The following CDC42BPA variants were observed in gnomAD, a reference collection of about 807,000 sequenced individuals.
The protein encoded by CDC42BPA is CDC42 binding protein kinase alpha, also known as serine/threonine-protein kinase MRCK alpha.
A neutral mutation model predicts 223.5 loss-of-function variants in CDC42BPA; 80 were observed. The ratio of observed to expected loss-of-function variants is 0.36; its 90% CI spans 0.30 to 0.43. The LOEUF is 0.43. Ranked by LOEUF, CDC42BPA falls within the 20% of genes least tolerant of loss-of-function variation. The pLI is 1.00. For synonymous variants in CDC42BPA, 694 were observed against 718.6 expected, an observed-to-expected ratio of 0.97 and a Z score of 0.55; for missense variants, 1,743 against 2,099.9, an observed-to-expected ratio of 0.83 and a Z score of 3.32.
chr1:227,297,967 T>TATATATACACACACACACAC (rs369403944), intron 1 of CDC42BPA, among the ~76,000 whole-genome samples: 1 of 132,082 alleles, frequency 7.6e-6, no homozygotes, highest in African/African-American at 2.9e-5. Context: ...TATATACATA[T>TATATATACACACACACACAC]ACACACACAC....
At chr1:227,130,607 C>G (rs12118896) in intron 10 of CDC42BPA, among the ~76,000 whole-genome samples, 1 of 148,086 alleles carries the variant, frequency 6.8e-6, no homozygotes, top group Non-Finnish European at 1.5e-5. Flanking sequence ...GTAATCCCAG[C>G]GCTTTGGGAG....
intron 1 of CDC42BPA, among the ~76,000 whole-genome samples, chr1:227,302,010 T>A (rs1382597900): frequency 1.3e-5 from 2 of 152,294 alleles, no homozygotes; most frequent in Admixed American, 1.3e-4. Context: ...AAGATGTTCA[T>A]CCATATCAGA....
intron 11 of CDC42BPA, among the ~76,000 whole-genome samples, chr1:227,121,925 C>G (rs1402117393): frequency 6.6e-6 from 1 of 151,720 alleles, no homozygotes; most frequent in African/African-American, 2.4e-5. Context: ...CTCAGCCTCC[C>G]GAGCAGCTGG....
At chr1:227,016,225 C>T (rs1558288494) in intron 33 of CDC42BPA, 28 bp from the exon 34 acceptor site, 16 of 1,176,902 alleles carry the variant, frequency 1.4e-5, no homozygotes, top group Non-Finnish European at 2.0e-5. Context: ...TGTTTAGATA[C>T]TTTTTCCACA....
chr1:227,107,452 ACT>A (rs1382516730), intron 14 of CDC42BPA, among the ~76,000 whole-genome samples: 2 of 151,234 alleles, frequency 1.3e-5, no homozygotes, highest in Non-Finnish European at 3.0e-5. Flanking sequence ...ACAGGGTCTC[ACT>A]CTGTCACCCA....
At chr1:227,001,958 A>AAACAAAAC (rs1317589801) in intron 35 of CDC42BPA, among the ~76,000 whole-genome samples, 3 of 152,150 alleles carry the variant, frequency 2.0e-5, no homozygotes, top group African/African-American at 7.2e-5. Flanking sequence ...CCAAAACAAA[A>AAACAAAAC]AACAAAACAA....
chr1:227,136,072 A>T (rs946219864), intron 10 of CDC42BPA, among the ~76,000 whole-genome samples: 1 of 109,452 alleles, frequency 9.1e-6, no homozygotes, highest in Non-Finnish European at 2.0e-5. Context: ...AAAAAACAGA[A>T]AGGCAGGCTC....
chr1:227,186,611 T>C (rs773922813), intron 5 of CDC42BPA, among the ~76,000 whole-genome samples: 7 of 152,254 alleles, frequency 4.6e-5, no homozygotes, highest in Non-Finnish European at 7.4e-5. Context: ...GACCTAATCA[T>C]AGGACCACAG....
At chr1:227,308,423 T>G (rs907952725) in intron 1 of CDC42BPA, among the ~76,000 whole-genome samples, 1 of 150,782 alleles carries the variant, frequency 6.6e-6, no homozygotes, top group Non-Finnish European at 1.5e-5. Flanking sequence ...GGCAGAAGAA[T>G]TGCCTGACCT....
chr1:227,231,836 A>AT (rs937988000), intron 2 of CDC42BPA, among the ~76,000 whole-genome samples: 121 of 151,842 alleles, frequency 8.0e-4, no homozygotes, highest in African/African-American at 2.8e-3. Flanking sequence ...GGGTTGTTTG[A>AT]TTTTTTCTTG....
chr1:227,296,828 A>G (rs767558850), intron 1 of CDC42BPA, among the ~76,000 whole-genome samples: 1 of 152,042 alleles, frequency 6.6e-6, no homozygotes, highest in Non-Finnish European at 1.5e-5. Flanking sequence ...AAAGGGACAA[A>G]TTGGATTTCA....
intron 21 of CDC42BPA, among the ~76,000 whole-genome samples, chr1:227,057,245 AC>A (rs1674770901): frequency 6.6e-6 from 1 of 152,052 alleles, no homozygotes; most frequent in African/African-American, 2.4e-5. Flanking sequence ...CTTCTACTAT[AC>A]TTAATACTAT....
At chr1:227,004,818 C>T (rs906564065) in intron 35 of CDC42BPA, 176 bp downstream of exon 35, 2 of 726,994 alleles carry the variant, frequency 2.8e-6, no homozygotes, top group African/African-American at 3.4e-5. Flanking sequence ...GGACTATTTT[C>T]TTAACAACTG....
chr1:227,029,294 T>C (rs759160550), intron 29 of CDC42BPA, 44 bp from the exon 30 acceptor site: 2 of 1,268,160 alleles, frequency 1.6e-6, no homozygotes, highest in Non-Finnish European at 2.2e-6. Context: ...GTTTTATTGA[T>C]TAATCATATC....
chr1:227,185,402 C>T (rs1055146008), intron 5 of CDC42BPA, among the ~76,000 whole-genome samples: 3 of 152,178 alleles, frequency 2.0e-5, no homozygotes, highest in Non-Finnish European at 1.5e-5. Flanking sequence ...CTTGCCCCCA[C>T]ATGTGCCTGG....
At position 227,250,623 on chromosome 1, in the gene CDC42BPA, A is replaced by AGTGTGT. The variant is rs372698370; in HGVS notation, c.270+3435_270+3440dup. ...ATGTGTGTATATTTTTTGAAACTGA[A>AGTGTGT]GTGTGTGTGTGTGTGTATGTGTGTG... is the stretch of plus-strand genomic sequence containing the variant. On this transcript the variant is annotated intron_variant, in intron 2 of 36. Coordinates refer to ENST00000366766, the MANE Select transcript of CDC42BPA (RefSeq NM_001394014.1). Among the ~76,000 whole-genome samples the AGTGTGT allele has an allele frequency of 7.3e-4, 111 of 151,124 alleles. No individual in the cohort carries two copies. The Middle Eastern group carries it at 0.014, about 19-fold the overall frequency.
At chr1:227,067,369 A>AT (rs936523572) in intron 21 of CDC42BPA, among the ~76,000 whole-genome samples, 112 of 149,324 alleles carry the variant, frequency 7.5e-4, no homozygotes, top group East Asian at 3.7e-3. Context: ...ATATATGTAC[A>AT]TTTTTTTTTT....
Position 227,160,543 on chromosome 1 carries a change from C to T in CDC42BPA, c.693G>A (p.Thr231=), listed in dbSNP as rs1221123385. ...GSCLKLMEDG[T]VQSSVAVGTP... is the part of the protein sequence containing the mutation. ...TAATTTAGGATTTATCTTTATTTAC[C>T]GTTCCATCTTCCATCAGCTTCAGAC... Residue 231 remains threonine (T), a splice_region_variant and synonymous_variant, in exon 6 of 37, where the codon ACG becomes ACA. Transcript: ENST00000366766. 24 of 1,546,660 alleles carry T rather than the reference C, an allele frequency of 1.6e-5. No homozygotes were observed. Among genetic ancestry groups the T allele is most frequent in the Non-Finnish European group, 1.9e-5 (21 of 1,119,428 alleles).
chr1:227,249,860 C>A (rs1212659200), intron 2 of CDC42BPA, among the ~76,000 whole-genome samples: 1 of 151,870 alleles, frequency 6.6e-6, no homozygotes, highest in Non-Finnish European at 1.5e-5. Flanking sequence ...ACAAAAAAAA[C>A]AGAATGACGA....
Sources: allele counts gnomAD v4.1 joint callset (sites outside exome capture counted in the v4.1 genomes callset), GRCh38; gene constraint gnomAD v4.1.1; transcripts MANE v1.5; gene names NCBI Gene and HGNC (gene_info 2026-07-23, HGNC 2026-07-21).